FBRSL1: variants seen among roughly 807,000 people sequenced by gnomAD.
FBRSL1 encodes the protein fibrosin like 1.
Under a neutral mutation model 89.6 loss-of-function variants are expected in FBRSL1, and 51 were observed. The observed-to-expected ratio is 0.57, with a 90% confidence interval of 0.45 to 0.72. The LOEUF (loss-of-function observed/expected upper bound fraction) is 0.72, where lower values mean the gene tolerates loss of function less well. Among genes scored for constraint, FBRSL1 ranks in the 30% least tolerant of loss-of-function variants. FBRSL1 has a pLI of 0.00. For missense variants in FBRSL1, 1,618 were observed against 1,451.8 expected (o/e 1.11, Z -1.86); for synonymous variants, 779 against 681.1 (o/e 1.14, Z -2.24).
intron 5 of FBRSL1, chr12:132,565,630 T>C (rs2039559007): frequency 6.6e-6 from 1 of 152,298 alleles, no homozygotes; most frequent in African/African-American, 2.4e-5. Context: ...TTTGTGCCCA[T>C]GTACGTGTAC....
intron 5 of FBRSL1, among the ~76,000 whole-genome samples, chr12:132,550,139 TGCC>T (rs549682686): frequency 2.0e-5 from 3 of 146,376 alleles, no homozygotes; most frequent in East Asian, 4.5e-4. Flanking sequence ...TGGCATTCCG[TGCC>T]GTTGGGGCCG....
At chr12:132,533,444 A>T (rs1172736610) in intron 4 of FBRSL1, among the ~76,000 whole-genome samples, 14 of 118,246 alleles carry the variant, frequency 1.2e-4, no homozygotes, top group African/African-American at 2.0e-4. Context: ...TCAGAGAGCC[A>T]CAGTCTCCTC....
intron 2 of FBRSL1, among the ~76,000 whole-genome samples, chr12:132,525,127 G>A (rs2035681832): frequency 6.6e-6 from 1 of 152,216 alleles, no homozygotes; most frequent in Non-Finnish European, 1.5e-5. Flanking sequence ...ATGAAACTGA[G>A]GCACGGGGAG....
At chr12:132,576,497 C>T (rs992174000) in intron 14 of FBRSL1, among the ~76,000 whole-genome samples, 82 of 152,296 alleles carry the variant, frequency 5.4e-4, no homozygotes, top group African/African-American at 1.9e-3. Flanking sequence ...CTGGCCTTAA[C>T]TTTTAAAAGA....
chr12:132,577,249 G>A (rs1168933049), intron 15 of FBRSL1, among the ~76,000 whole-genome samples: 3 of 152,138 alleles, frequency 2.0e-5, no homozygotes, highest in African/African-American at 4.8e-5. Flanking sequence ...ACGCCACACG[G>A]CTCTGAGGCG....
intron 5 of FBRSL1, among the ~76,000 whole-genome samples, chr12:132,558,938 C>T (rs1240210989): frequency 6.6e-6 from 1 of 152,262 alleles, no homozygotes; most frequent in African/African-American, 2.4e-5. Flanking sequence ...TTAAACACTT[C>T]CCGACTGCCG....
intron 5 of FBRSL1, chr12:132,566,542 C>CAGCCACA (rs2039635024): frequency 3.8e-5 from 1 of 26,470 alleles, no homozygotes; most frequent in Non-Finnish European, 5.8e-5. Context: ...TCCCCATCAG[C>CAGCCACA]GGCCACATTC....
chr12:132,508,453 T>G, intron 2 of FBRSL1, 103 bp downstream of exon 2: 1 of 1,255,780 alleles, frequency 8.0e-7, no homozygotes, highest in Non-Finnish European at 1.1e-6. Context: ...CCCCCGGGCC[T>G]GCCTGGCAGC....
chr12:132,532,959 T>A (rs1347183021), intron 4 of FBRSL1, among the ~76,000 whole-genome samples: 1 of 152,196 alleles, frequency 6.6e-6, no homozygotes, highest in East Asian at 1.9e-4. Flanking sequence ...ATACAGGCGC[T>A]GTCTTTACAA....
rs745951720 is a variant in FBRSL1, at chr12:132,571,520, C to G, written c.1377+289C>G. The G allele has an allele frequency of 1.3e-6, 2 of 1,533,626 alleles. No individual in the cohort carries two copies. The highest frequency in any genetic ancestry group is 8.8e-7 in the Non-Finnish European group (1 of 1,137,778). ...CCCCCGACGCCGCCCGCCGCACCCC[C>G]GCCGGTGCGTAGGCCCGCGTGCTGG... is the stretch of plus-strand genomic sequence containing the variant. On this transcript the variant is annotated intron_variant, in intron 9 of 18. Transcript: ENST00000680143.
intron 4 of FBRSL1, among the ~76,000 whole-genome samples, chr12:132,543,010 T>C (rs1400785400): frequency 6.6e-6 from 1 of 152,158 alleles, no homozygotes; most frequent in African/African-American, 2.4e-5. Flanking sequence ...GCCTGGGTGA[T>C]GGGGGCCAAG....
intron 1 of FBRSL1, among the ~76,000 whole-genome samples, chr12:132,491,954 A>C (rs1243282368): frequency 2.0e-5 from 3 of 152,174 alleles, no homozygotes; most frequent in Admixed American, 2.0e-4. Context: ...CAGGCTCATC[A>C]CACAGGCTGG....
chr12:132,583,149 G>A lies in FBRSL1; in HGVS notation c.2380G>A (p.Ala794Thr), dbSNP rs1276201085. 1.4e-6 allele frequency: 2 copies of A among 1,463,270 alleles called. No individual in the cohort carries two copies. Among genetic ancestry groups the A allele is most frequent in the South Asian group, 1.3e-5 (1 of 78,382 alleles). 90.6% of individuals were successfully genotyped at this position (1,463,270 alleles called of 1,614,324 possible). The change falls in exon 19 of 19, where the codon GCC becomes ACC. Residue 794 changes from alanine (A) to threonine (T), a missense_variant. Ala to Thr is a moderately conservative substitution (Grantham distance 58). Transcript: ENST00000680143. ...ESRSPAKEEA[A>T]KMPARASPPH... ...CCGCTCCCCGGCCAAGGAGGAGGCC[G>A]CCAAGATGCCCGCGCGCGCATCCCC...
At chr12:132,504,517 G>A (rs561633402) in intron 1 of FBRSL1, among the ~76,000 whole-genome samples, 21 of 152,232 alleles carry the variant, frequency 1.4e-4, no homozygotes, top group Non-Finnish European at 2.6e-4. Flanking sequence ...GTGGCGTTGC[G>A]CAGGGAGGGC....
chr12:132,583,204 T>C lies in FBRSL1; in HGVS notation c.2435T>C (p.Val812Ala). 1 of 1,445,002 alleles carries C rather than the reference T, an allele frequency of 6.9e-7. No individual in the cohort carries two copies. Among genetic ancestry groups the C allele is most frequent in the Admixed American group, 2.5e-5 (1 of 39,662 alleles). 89.5% of individuals were successfully genotyped at this position (1,445,002 alleles called of 1,614,324 possible). Residue 812 changes from valine to alanine, a missense_variant, in exon 19 of 19, where the codon GTG becomes GCG. By Grantham distance (64) the Val-to-Ala change is moderately conservative. Coordinates refer to ENST00000680143, the MANE Select transcript of FBRSL1 (RefSeq NM_001367871.1). ...CACAGCAAGGCGGCCCCTGGAGACG[T>C]GAAGGTCAAGGAGGAGCGCGGGGAG... The part of the protein sequence containing the change: ...PPHSKAAPGD[V>A]KVKEERGEDE...
intron 3 of FBRSL1, 23 bp from the exon 4 acceptor site, chr12:132,527,930 C>T (rs891757282): frequency 1.9e-6 from 3 of 1,550,894 alleles, no homozygotes; most frequent in African/African-American, 2.7e-5. Context: ...GCCTCACTGA[C>T]TGTCCCCTCT....
intron 15 of FBRSL1, among the ~76,000 whole-genome samples, chr12:132,577,489 C>A (rs1026062787): frequency 6.6e-6 from 1 of 152,202 alleles, no homozygotes; most frequent in East Asian, 1.9e-4. Flanking sequence ...CCCGGGGTCC[C>A]AGGACGGGCC....
rs972304785 is a variant in FBRSL1 at position 132,490,441 on chromosome 12, C to T, written c.-130C>T. 5 of 628,416 alleles carry T rather than the reference C, an allele frequency of 8.0e-6. No individual in the cohort carries two copies. The highest frequency in any genetic ancestry group is 9.8e-6 in the Non-Finnish European group (5 of 510,700). 38.9% of individuals were successfully genotyped at this position (628,416 alleles called of 1,614,324 possible). A position where few individuals can be genotyped will look rare whatever the true frequency, so the allele number is the denominator to read the frequency against. On this transcript the variant is annotated 5_prime_UTR_variant, in exon 1 of 19. Coordinates refer to ENST00000680143, the MANE Select transcript of FBRSL1 (RefSeq NM_001367871.1). ...ATGCCCGGCCCGGCCCGCCGCCCGCCGCCGCCCAGGGCCCGAGCCCGCGCG... is the reference window on the plus strand; with the variant it reads ...ATGCCCGGCCCGGCCCGCCGCCCGCTGCCGCCCAGGGCCCGAGCCCGCGCG...
chr12:132,512,176 G>A (rs116842580), intron 2 of FBRSL1, among the ~76,000 whole-genome samples: 1,768 of 152,300 alleles, frequency 0.012, 43 homozygotes, highest in East Asian at 0.12. Context: ...TCCCCCCACC[G>A]CAAGGCTACT....
Sources: gnomAD v4.1 joint callset for allele counts (sites outside exome capture counted in the v4.1 genomes callset) on GRCh38, gnomAD v4.1.1 for gene constraint, MANE v1.5 for transcripts, NCBI Gene and HGNC (gene_info 2026-07-23, HGNC 2026-07-21) for gene names.